The following ZFYVE26 variants were observed in gnomAD, a reference collection of about 807,000 sequenced individuals.
ZFYVE26 encodes the protein zinc finger FYVE-type containing 26.
In ZFYVE26, 181 loss-of-function variants were observed where a neutral mutation model predicts 276.5. The observed-to-expected ratio is 0.65, with a 90% CI of 0.58 to 0.74. The LOEUF (loss-of-function observed/expected upper bound fraction) is 0.74. Ranked by LOEUF, ZFYVE26 falls within the 30% of genes least tolerant of loss-of-function variation. The pLI is 0.00. For synonymous variants in ZFYVE26, 1,129 were observed against 1,203.1 expected, an observed-to-expected ratio of 0.94 and a Z score of 1.27; for missense variants, 2,821 against 3,097.9, an observed-to-expected ratio of 0.91 and a Z score of 2.12.
Position 67,782,796 on chromosome 14 carries a change from G to A in ZFYVE26, c.4356C>T (p.Ser1452=), listed in dbSNP as rs771700225. 2.5e-6 allele frequency: 4 copies of A among 1,614,166 alleles called. No homozygotes were observed. Among genetic ancestry groups the A allele is most frequent in the Non-Finnish European group, 1.7e-6 (2 of 1,180,038 alleles). The change falls in exon 21 of 42, where the codon AGC becomes AGT. Residue 1452 remains serine, a synonymous_variant. Transcript: ENST00000347230. ...DLSSIKDAVL[S]CAVACDKEGW... is the part of the protein sequence containing the mutation. ...TCTGCTCACCACATGCCACAGCACA[G>A]CTCAGGACTGCATCCTTTATGCTGC...
At chr14:67,793,481 T>A in intron 14 of ZFYVE26, 127 bp downstream of exon 14, 1 of 1,083,776 alleles carries the variant, frequency 9.2e-7, no homozygotes, top group Non-Finnish European at 1.4e-6. Context: ...GGAAACCCCC[T>A]CTTGCTTCTG....
chr14:67,762,492 G>A, intron 33 of ZFYVE26, 80 bp from the exon 34 acceptor site: 1 of 1,543,910 alleles, frequency 6.5e-7, no homozygotes, highest in Non-Finnish European at 8.8e-7. Flanking sequence ...CTATTCCCAA[G>A]TTGCCAACCA....
At chr14:67,769,818 G>A in intron 28 of ZFYVE26, 88 bp from the exon 29 acceptor site, 1 of 1,572,010 alleles carries the variant, frequency 6.4e-7, no homozygotes, top group East Asian at 2.2e-5. Flanking sequence ...TTAACTACCA[G>A]TGGCTTATAC....
intron 4 of ZFYVE26, 32 bp from the exon 5 acceptor site, chr14:67,807,952 T>A: frequency 6.2e-7 from 1 of 1,613,346 alleles, no homozygotes; most frequent in South Asian, 1.1e-5. Context: ...GGATGGGTGG[T>A]GGGCATGCCT....
At chr14:67,767,675 A>C in intron 31 of ZFYVE26, 29 bp downstream of exon 31, 1 of 1,614,078 alleles carries the variant, frequency 6.2e-7, no homozygotes, top group Non-Finnish European at 8.5e-7. Flanking sequence ...AAAGAAACTT[A>C]AGTGACCATT....
Position 67,748,584 on chromosome 14 carries a change from T to C in ZFYVE26, c.7472A>G (p.Lys2491Arg). Reference protein sequence around the residue: ...KLRSAYLIAVKQEHSRATALV... With the variant: ...KLRSAYLIAVRQEHSRATALV... The stretch of plus-strand genomic sequence containing the variant: ...GGCTGTGGCCCGTGAGTGTTCTTGC[T>C]TCACAGCAATCAAGTAGGCAGAACG... Residue 2491 changes from lysine (K) to arginine (R), a missense_variant, in exon 42 of 42, where the codon AAG becomes AGG. Coordinates refer to ENST00000347230, the MANE Select transcript of ZFYVE26 (RefSeq NM_015346.4). 6.2e-7 allele frequency: 1 copy of C among 1,614,196 alleles called. No individual in the cohort carries two copies.
intron 16 of ZFYVE26, among the ~76,000 whole-genome samples, chr14:67,788,218 G>C (rs2140230760): frequency 6.6e-6 from 1 of 152,230 alleles, no homozygotes; most frequent in East Asian, 1.9e-4. Flanking sequence ...GTGAAACCCA[G>C]TCTCTATTAA....
intron 35 of ZFYVE26, chr14:67,760,965 G>A (rs577664790): frequency 2.2e-5 from 11 of 489,064 alleles, no homozygotes; most frequent in Non-Finnish European, 3.3e-5. Context: ...GAATGGACCA[G>A]CAGCTGGGTC....
chr14:67,800,046 T>C (rs2040046479), intron 10 of ZFYVE26, among the ~76,000 whole-genome samples: 1 of 152,254 alleles, frequency 6.6e-6, no homozygotes, highest in Non-Finnish European at 1.5e-5. Context: ...ATTTTACATT[T>C]GGTCTTAATG....
intron 12 of ZFYVE26, chr14:67,797,461 A>G: frequency 1.6e-6 from 1 of 625,954 alleles, no homozygotes; most frequent in Non-Finnish European, 2.8e-6. Context: ...GCATGTGTAT[A>G]TATATAAAAG....
At chr14:67,797,896 G>C (rs749298206) in intron 11 of ZFYVE26, 118 bp downstream of exon 11, 31 of 1,588,558 alleles carry the variant, frequency 2.0e-5, no homozygotes, top group African/African-American at 2.7e-5. Context: ...TGGTTGCCAT[G>C]GTGACGATAT....
At chr14:67,735,715 G>C (rs2038344926) in intron 13 of ZFYVE26, among the ~76,000 whole-genome samples, 1 of 152,152 alleles carries the variant, frequency 6.6e-6, no homozygotes, top group African/African-American at 2.4e-5. Context: ...ACTATTCCTG[G>C]CTTCTCTTAG....
chr14:67,766,145 A>T (rs923939379), intron 32 of ZFYVE26, 82 bp downstream of exon 32: 4 of 1,351,256 alleles, frequency 3.0e-6, no homozygotes, highest in African/African-American at 1.4e-5. Flanking sequence ...ATGGTGAGAT[A>T]AAAAAATCAC....
At chr14:67,787,664 T>G (rs1476400775) in intron 16 of ZFYVE26, among the ~76,000 whole-genome samples, 1 of 152,176 alleles carries the variant, frequency 6.6e-6, no homozygotes, top group Non-Finnish European at 1.5e-5. Flanking sequence ...GATTAAGAGC[T>G]TGAATAATAT....
intron 13 of ZFYVE26, among the ~76,000 whole-genome samples, chr14:67,735,603 CA>C (rs2038343268): frequency 6.6e-6 from 1 of 152,196 alleles, no homozygotes; most frequent in Non-Finnish European, 1.5e-5. Flanking sequence ...TGCCCCTCAA[CA>C]TACAGGAAAC....
chr14:67,735,076 A>C, intron 13 of ZFYVE26: 1 of 712,720 alleles, frequency 1.4e-6, no homozygotes. Context: ...AAATGACACC[A>C]AATATCGGGA....
chr14:67,742,062 C>A (rs897418874), downstream of ZFYVE26, among the ~76,000 whole-genome samples: 1 of 152,240 alleles, frequency 6.6e-6, no homozygotes, highest in African/African-American at 2.4e-5. Flanking sequence ...TGGAGAAAAT[C>A]ACTCAGTCTC....
rs535129691 is a variant in ZFYVE26, at chr14:67,778,894, C to T, written c.4675-646G>A. On this transcript the variant is annotated intron_variant, in intron 23 of 41. Transcript: ENST00000347230. Reference sequence around the variant, plus strand: ...TCTCAGGCTATGTTAGGTGCCCTGCCTGTGCTCCCACAATCTGAGCTTACT... The same window carrying T: ...TCTCAGGCTATGTTAGGTGCCCTGCTTGTGCTCCCACAATCTGAGCTTACT... Among the ~76,000 whole-genome samples, 3 of 152,326 alleles carry T rather than the reference C, an allele frequency of 2.0e-5. No individual in the cohort carries two copies. In the South Asian group the frequency reaches 6.2e-4, roughly 32 times the overall value.
downstream of ZFYVE26, among the ~76,000 whole-genome samples, chr14:67,742,930 C>T (rs1035367430): frequency 2.0e-5 from 3 of 147,966 alleles, no homozygotes; most frequent in African/African-American, 5.0e-5. Context: ...GCCTCTAACT[C>T]CTGGGCTCAA....
Sources: gnomAD v4.1 joint callset for allele counts (sites outside exome capture counted in the v4.1 genomes callset) on GRCh38, gnomAD v4.1.1 for gene constraint, MANE v1.5 for transcripts, NCBI Gene and HGNC (gene_info 2026-07-23, HGNC 2026-07-21) for gene names.